The following RENBP variants were observed in gnomAD, a reference collection of about 807,000 sequenced individuals.
RENBP encodes renin binding protein, also known as N-acylglucosamine 2-epimerase.
In RENBP, 16 loss-of-function variants were observed where a neutral mutation model predicts 37.8. The observed-to-expected ratio is 0.42, with a 90% confidence interval of 0.29 to 0.64. RENBP has a LOEUF of 0.64. RENBP is among the 30% of genes least tolerant of loss of function. The pLI is 0.19. For synonymous variants in RENBP, 170 were observed against 154.8 expected (o/e 1.10, Z -0.73); for missense variants, 347 against 379.5 (o/e 0.91, Z 0.71).
chrX:153,943,200 A>G, intron 5 of RENBP, 121 bp from the exon 6 acceptor site: 1 of 555,556 alleles, frequency 1.8e-6, no homozygotes. Context: ...ACCTTCATCC[A>G]GGGCCTACTT....
intron 8 of RENBP, 128 bp downstream of exon 8, chrX:153,941,350 A>T (rs1453934018): frequency 4.7e-6 from 3 of 644,665 alleles, no homozygotes; most frequent in Non-Finnish European, 7.1e-6. Flanking sequence ...TAACACTGGC[A>T]CAGAAGCTGA....
At position 153,935,374 on chromosome X, in the gene RENBP, A is replaced by T. The variant is rs782459670; in HGVS notation, c.1196T>A (p.Met399Lys). 3.9e-5 allele frequency: 44 copies of T among 1,128,872 alleles called. No individual in the cohort carries two copies. The highest frequency in any genetic ancestry group is 4.9e-5 in the Non-Finnish European group (42 of 853,938). The allele number at this position is 1,128,872 out of a possible 1,213,427, so 93.0% of individuals were successfully genotyped here. A position where few individuals can be genotyped will look rare whatever the true frequency, so the allele number is the denominator to read the frequency against. Residue 399 changes from methionine (M) to lysine (K), a missense_variant, in exon 11 of 11, where the codon ATG (methionine) becomes AAG (lysine). Met to Lys is a moderately conservative substitution (Grantham distance 95, BLOSUM62 -1). This residue lies in a region of RENBP where 91 missense variants were observed against 67.7 expected (regional missense o/e 1.34). Transcript: ENST00000393700. Reference sequence around the variant, plus strand: ...CAGGGCGCCCAGCATCTCCTCGCACATGGCTAGGCACCGCGGCACGTGGAA... The same window carrying T: ...CAGGGCGCCCAGCATCTCCTCGCACTTGGCTAGGCACCGCGGCACGTGGAA... ...GCFHVPRCLA[M>K]CEEMLGALLS...
At chrX:153,944,513 A>T (rs1280537864) in intron 1 of RENBP, 71 bp downstream of exon 1, 23 of 1,160,990 alleles carry the variant, frequency 2.0e-5, no homozygotes, top group African/African-American at 9.0e-5. Context: ...CCACCTCTGC[A>T]CGGGGCTTCA....
intron 5 of RENBP, among the ~76,000 whole-genome samples, 172 bp from the exon 6 acceptor site, chrX:153,943,251 C>T (rs782184826): frequency 4.4e-5 from 5 of 112,476 alleles, no homozygotes; most frequent in Non-Finnish European, 9.4e-5. Context: ...CAGTCAGATC[C>T]GCCCCACTCT....
At chrX:153,940,264 CA>C in intron 8 of RENBP, 31 bp from the exon 9 acceptor site, 1 of 1,206,985 alleles carries the variant, frequency 8.3e-7, no homozygotes, top group Admixed American at 2.2e-5. Context: ...GGCATCTCAG[CA>C]GGAAACTCCC....
At chrX:153,943,422 G>A (rs1171668694) in intron 5 of RENBP, 124 bp downstream of exon 5, 8 of 718,730 alleles carry the variant, frequency 1.1e-5, no homozygotes, top group Non-Finnish European at 1.6e-5. Flanking sequence ...GCGTTCAGAG[G>A]TGAAGGGGAC....
At chrX:153,942,080 C>T in intron 6 of RENBP, 49 bp from the exon 7 acceptor site, 1 of 1,000,827 alleles carries the variant, frequency 1.0e-6, no homozygotes, top group Non-Finnish European at 1.4e-6. Context: ...CTTTCACCCA[C>T]CCAGCCACCC....
rs782730497 is a variant in RENBP at position 153,944,589 on chromosome X, G to C, written c.22C>G (p.Arg8Gly). ...CCAAGCACCCCACCACTGGCCTGTC[G>C]CGCTGGGAGACCCTTGCTCATCCCT... Reference protein sequence around the residue: MSKGLPARQDMEKERETL... With the variant: MSKGLPAGQDMEKERETL... The change falls in exon 1 of 11, where the codon CGA becomes GGA. Residue 8 changes from arginine to glycine, a missense_variant. Physicochemically the swap from Arg to Gly is moderately radical, Grantham distance 125. Coordinates refer to ENST00000393700, the MANE Select transcript of RENBP (RefSeq NM_002910.6). The C allele has an allele frequency of 8.6e-7, 1 of 1,167,890 alleles. No individual in the cohort carries two copies. Among genetic ancestry groups the C allele is most frequent in the Non-Finnish European group, 1.1e-6 (1 of 873,120 alleles).
In RENBP at chrX:153,941,950, C is replaced by CCCCCCGG; in HGVS notation, c.768_769insCCGGGGG (p.Gly257ProfsTer30). On this transcript the variant is annotated frameshift_variant and splice_region_variant, in exon 7 of 11. Transcript: ENST00000393700. LOFTEE classifies it high-confidence loss of function. The stretch of plus-strand genomic sequence containing the variant: ...GCCCCCAGCCCACCCCGCCCCTCAC[C>CCCCCCGG]TGGGTTCTGCTGTCTCCCCAGGCAG... The CCCCCCGG allele has an allele frequency of 8.8e-6, 10 of 1,130,551 alleles. No homozygotes were observed. The highest frequency in any genetic ancestry group is 1.1e-5 in the Non-Finnish European group (9 of 823,131). 93.2% of individuals were successfully genotyped at this position (1,130,551 alleles called of 1,213,427 possible).
Position 153,937,243 on chromosome X carries a change from A to C in RENBP, c.1078-1667T>G, listed in dbSNP as rs1446108729. 4 of 113,576 alleles carry C rather than the reference A, an allele frequency of 3.5e-5. 1 individual carries two copies. The Admixed American group carries it at 3.9e-4, about 11-fold the overall frequency. 9.4% of individuals were successfully genotyped at this position (113,576 alleles called of 1,213,427 possible). ...AAATAAATAAATAAATAAATAAATA[A>C]AAACTAGTTCTGTGTGTATTCATTC... is the stretch of plus-strand genomic sequence containing the variant. On this transcript the variant is annotated intron_variant, in intron 9 of 10. Transcript: ENST00000393700.
chrX:153,935,562 C>G lies in RENBP; in HGVS notation c.1092G>C (p.Glu364Asp). The change falls in exon 10 of 11, where the codon GAG becomes GAC. Residue 364 changes from glutamate to aspartate, a missense_variant. Glu to Asp is a conservative substitution (Grantham distance 45). This residue lies in a region of RENBP where 91 missense variants were observed against 67.7 expected (regional missense o/e 1.34). Coordinates refer to ENST00000393700, the MANE Select transcript of RENBP (RefSeq NM_002910.6). ...TCAGGTAGCCAAACCATTCCCCGTA[C>G]TCGGGATCGCGAAACTGGAATAACA... is the stretch of plus-strand genomic sequence containing the variant. ...EYTFRQFRDP[E>D]YGEWFGYLSR... 8.3e-7 allele frequency: 1 copy of G among 1,209,424 alleles called. No individual in the cohort carries two copies. The highest frequency in any genetic ancestry group is 1.1e-6 in the Non-Finnish European group (1 of 893,905).
In RENBP at chrX:153,943,950, C is replaced by T. The variant is rs781986077; in HGVS notation, c.234G>A (p.Leu78=). The change falls in exon 4 of 11, where the codon CTG becomes CTA. Residue 78 remains leucine, a synonymous_variant. Transcript: ENST00000393700. The part of the protein sequence containing the change: ...QGRQVWMYCR[L]YRTFERFRHA... ...GGCGGAAGCGCTCGAAAGTGCGGTA[C>T]AGGCGACAATACATCCATACCTGCG... is the stretch of plus-strand genomic sequence containing the variant. 1.2e-5 allele frequency: 14 copies of T among 1,196,081 alleles called. No homozygotes were observed. The East Asian group carries it at 2.4e-4, about 21-fold the overall frequency.
chrX:153,944,626 A>G lies in RENBP; in HGVS notation c.-16T>C. On this transcript the variant is annotated 5_prime_UTR_variant, in exon 1 of 11. Transcript: ENST00000393700. ...CCTTGCTCATCCCTCCTGCTCCTCT[A>G]GGAAGCCAGACAGAGTTGGTCGCGG... 1 of 1,164,739 alleles carries G rather than the reference A, an allele frequency of 8.6e-7. No homozygotes were observed. The highest frequency in any genetic ancestry group is 1.1e-6 in the Non-Finnish European group (1 of 871,229).
chrX:153,942,890 C>T lies in RENBP; in HGVS notation c.652G>A (p.Asp218Asn), dbSNP rs1557109810. Residue 218 changes from aspartate to asparagine, a missense_variant, in exon 6 of 11, where the codon GAC becomes AAC. Physicochemically the swap from Asp to Asn is conservative, Grantham distance 23. This residue lies in a region of RENBP where 244 missense variants were observed against 279.4 expected (regional missense o/e 0.87). Transcript: ENST00000393700. ...TGCAGAATCCTCCGGGCGCACCAGT[C>T]CCCCAGCTCTGCGTATTTGCCCGCC... ...ELAGKYAELGDWCARRILQHV... is the reference protein window; with the variant it reads ...ELAGKYAELGNWCARRILQHV... 2.5e-6 allele frequency: 3 copies of T among 1,210,909 alleles called. No individual in the cohort carries two copies. The highest frequency in any genetic ancestry group is 2.2e-6 in the Non-Finnish European group (2 of 894,983).
chrX:153,939,856 C>G (rs1227580080), intron 9 of RENBP, among the ~76,000 whole-genome samples: 1 of 109,053 alleles, frequency 9.2e-6, no homozygotes, highest in Non-Finnish European at 1.9e-5. Flanking sequence ...ATTATTCCCA[C>G]AGCTGTCACT....
intron 6 of RENBP, 61 bp downstream of exon 6, chrX:153,942,794 G>T (rs781814449): frequency 3.2e-6 from 3 of 946,599 alleles, no homozygotes; most frequent in Non-Finnish European, 4.6e-6. Context: ...GCCCCAGGGT[G>T]CCCAGGGGAG....
Position 153,943,534 on chromosome X carries a change from C to T in RENBP, c.462+12G>A. The T allele has an allele frequency of 8.3e-7, 1 of 1,200,263 alleles. No homozygotes were observed. Among genetic ancestry groups the T allele is most frequent in the Non-Finnish European group, 1.1e-6 (1 of 887,707 alleles). Reference sequence around the variant, plus strand: ...AGGGTGGGGTCTTCAGGGGCACCCTCCTCTCACACACCTGGTACCGCACTT... The same window carrying T: ...AGGGTGGGGTCTTCAGGGGCACCCTTCTCTCACACACCTGGTACCGCACTT... On this transcript the variant is annotated intron_variant, in intron 5 of 10. Coordinates refer to ENST00000393700, the MANE Select transcript of RENBP (RefSeq NM_002910.6).
At chrX:153,941,783 C>T in intron 7 of RENBP, 130 bp from the exon 8 acceptor site, 1 of 731,442 alleles carries the variant, frequency 1.4e-6, no homozygotes, top group South Asian at 2.6e-5. Context: ...AGCTCCCTGG[C>T]CCTGGAAGCC....
In RENBP at chrX:153,941,543, C is replaced by T; in HGVS notation, c.880G>A (p.Gly294Arg). The T allele has an allele frequency of 1.7e-6, 2 of 1,210,816 alleles. No individual in the cohort carries two copies. Among genetic ancestry groups the T allele is most frequent in the Non-Finnish European group, 2.2e-6 (2 of 895,012 alleles). The change falls in exon 8 of 11, where the codon GGA becomes AGA. Residue 294 changes from glycine (G) to arginine (R), a missense_variant. This residue lies in a region of RENBP where 244 missense variants were observed against 279.4 expected (regional missense o/e 0.87). Coordinates refer to ENST00000393700, the MANE Select transcript of RENBP (RefSeq NM_002910.6). Reference sequence around the variant, plus strand: ...AGGCCTCCGTGGTCAGGGTCCCATCCGGAGTGGAAGGGCAACAATAGGAAC... The same window carrying T: ...AGGCCTCCGTGGTCAGGGTCCCATCTGGAGTGGAAGGGCAACAATAGGAAC... ...DKFLLLPFHS[G>R]WDPDHGGLFY...
Sources: gnomAD v4.1 joint callset for allele counts (sites outside exome capture counted in the v4.1 genomes callset) on GRCh38, gnomAD v4.1.1 for gene constraint, gnomAD v4.1.1 regional missense constraint, MANE v1.5 for transcripts, NCBI Gene and HGNC (gene_info 2026-07-23, HGNC 2026-07-21) for gene names.